Variants in RARB observed in about 807,000 individuals in gnomAD.
RARB encodes the protein HBV-activated protein.
In RARB, 17 loss-of-function variants were observed where a neutral mutation model predicts 51.9. That is an observed-to-expected ratio of 0.33 (90% confidence interval 0.22 to 0.49). The LOEUF is 0.49. Among genes scored for constraint, RARB ranks in the 20% least tolerant of loss-of-function variants. RARB has a pLI of 0.99. For synonymous variants in RARB, 215 were observed against 195.4 expected (o/e 1.10, Z -0.84); for missense variants, 369 against 550.8 (o/e 0.67, Z 3.30).
intron 5 of RARB, among the ~76,000 whole-genome samples, chr3:25,269,566 C>T (rs1703204795): frequency 6.6e-6 from 1 of 152,056 alleles, no homozygotes; most frequent in Non-Finnish European, 1.5e-5. Flanking sequence ...TGTGAAGATC[C>T]AGTAAGTTAA....
intron 5 of RARB, among the ~76,000 whole-genome samples, chr3:25,212,654 C>T (rs145584129): frequency 1.5e-4 from 23 of 152,292 alleles, no homozygotes; most frequent in African/African-American, 5.5e-4. Context: ...AATTCTGAGA[C>T]AATGTGCTAT....
intron 2 of RARB, among the ~76,000 whole-genome samples, chr3:25,468,721 A>G (rs563059797): frequency 6.6e-6 from 1 of 152,340 alleles, no homozygotes; most frequent in Non-Finnish European, 1.5e-5. Context: ...AAGAAATGAC[A>G]TCTCTGCGAC....
chr3:25,187,363 G>A (rs1316908554), intron 5 of RARB, among the ~76,000 whole-genome samples: 1 of 151,738 alleles, frequency 6.6e-6, no homozygotes, highest in Non-Finnish European at 1.5e-5. Context: ...GTGGTGCAGT[G>A]GGACAGGCAA....
chr3:25,238,848 G>A (rs322717), intron 5 of RARB, among the ~76,000 whole-genome samples: 65,520 of 151,834 alleles, frequency 0.43, 16,368 homozygotes, highest in East Asian at 0.69. Context: ...GCATGATGGC[G>A]CGTGCCTGTA....
intron 3 of RARB, among the ~76,000 whole-genome samples, chr3:25,524,779 G>A (rs1189865966): frequency 1.3e-5 from 2 of 151,642 alleles, no homozygotes; most frequent in Non-Finnish European, 2.9e-5. Context: ...ACCCAGGCTG[G>A]AGTGCAGAGG....
At chr3:25,483,316 T>G (rs976939776) in intron 2 of RARB, among the ~76,000 whole-genome samples, 12 of 152,216 alleles carry the variant, frequency 7.9e-5, no homozygotes, top group Admixed American at 7.9e-4. Flanking sequence ...ACATATATAG[T>G]CTTCACTAGT....
chr3:25,476,574 C>T (rs1320120995), intron 2 of RARB, among the ~76,000 whole-genome samples: 1 of 152,118 alleles, frequency 6.6e-6, no homozygotes, highest in African/African-American at 2.4e-5. Flanking sequence ...TGAATATGAT[C>T]ATAACGTATC....
rs373138161 is a variant in RARB, at chr3:25,174,453, A to G, written c.56A>G (p.His19Arg). 42 of 1,351,956 alleles carry G rather than the reference A, an allele frequency of 3.1e-5. No homozygotes were observed. In the African/African-American group the frequency reaches 5.9e-4, roughly 19 times the overall value. 83.7% of individuals were successfully genotyped at this position (1,351,956 alleles called of 1,614,324 possible). The change falls in exon 5 of 12, where the codon CAC becomes CGC. Residue 19 changes from histidine (H) to arginine (R), a missense_variant. His to Arg is a conservative substitution (Grantham distance 29). Transcript: ENST00000383772. The stretch of plus-strand genomic sequence containing the variant: ...CCAGCAGTGAACGGACACATGACTC[A>G]CTATCCAGCCACACCCTACCCGTTA...
At chr3:25,015,095 T>C (rs1436208633) in intron 2 of RARB, among the ~76,000 whole-genome samples, 2 of 152,302 alleles carry the variant, frequency 1.3e-5, no homozygotes, top group Middle Eastern at 3.4e-3. Flanking sequence ...AATCTGGCTT[T>C]GAGTGTCTGT....
chr3:24,949,837 C>G (rs1236510829), intron 2 of RARB, among the ~76,000 whole-genome samples: 1 of 152,042 alleles, frequency 6.6e-6, no homozygotes, highest in African/African-American at 2.4e-5. Context: ...TGATTTGTTC[C>G]TTTACTTTTT....
chr3:25,125,378 T>A (rs562639818), intron 3 of RARB, among the ~76,000 whole-genome samples: 1 of 152,320 alleles, frequency 6.6e-6, no homozygotes, highest in African/African-American at 2.4e-5. Context: ...CAGAGCAGCC[T>A]CTGTTCTCAT....
chr3:24,912,996 T>TTTTTTTTTTTTA (rs1491080482), intron 2 of RARB, among the ~76,000 whole-genome samples: 32 of 132,996 alleles, frequency 2.4e-4, no homozygotes, highest in African/African-American at 8.9e-4. Flanking sequence ...TTTTTTTTTT[T>TTTTTTTTTTTTA]TGGAGACAGA....
At position 24,863,623 on chromosome 3, in the gene RARB, TTCATAA is replaced by T. The variant is rs546340096; in HGVS notation, c.-380+4872_-380+4877del. Among the ~76,000 whole-genome samples, 931 of 152,100 alleles carry T rather than the reference TTCATAA, an allele frequency of 6.1e-3. 6 individuals carry two copies. Among genetic ancestry groups the T allele is most frequent in the Non-Finnish European group, 9.7e-3 (661 of 67,994 alleles). On this transcript the variant is annotated intron_variant, in intron 2 of 11. Coordinates refer to the RARB transcript ENST00000383772. Reference sequence around the variant, plus strand: ...TAAGATTTCTTGTACGCCTGGCCTGTTCATAAATCCAATTTAATTAGAGAACACCAC... The same window carrying T: ...TAAGATTTCTTGTACGCCTGGCCTGTATCCAATTTAATTAGAGAACACCAC...
chr3:24,845,052 C>T (rs1052469543), intron 1 of RARB, among the ~76,000 whole-genome samples: 8 of 152,196 alleles, frequency 5.3e-5, no homozygotes, highest in African/African-American at 1.7e-4. Flanking sequence ...GCCAATCCCA[C>T]ACAGGAGTTA....
chr3:25,576,501 A>C (rs2125298517), intron 4 of RARB, among the ~76,000 whole-genome samples: 1 of 152,204 alleles, frequency 6.6e-6, no homozygotes, highest in East Asian at 1.9e-4. Context: ...AGATCTCTGA[A>C]CCCCAGGAGT....
chr3:25,224,449 G>A (rs1000523724), intron 5 of RARB, among the ~76,000 whole-genome samples: 1 of 152,124 alleles, frequency 6.6e-6, no homozygotes, highest in Admixed American at 6.5e-5. Flanking sequence ...AGCAGACCAA[G>A]CCTCAAGTCT....
intron 2 of RARB, among the ~76,000 whole-genome samples, chr3:25,046,612 C>T (rs571149327): frequency 1.1e-4 from 16 of 152,122 alleles, no homozygotes; most frequent in South Asian, 4.2e-4. Flanking sequence ...CACCACCATG[C>T]TCAGCTAATT....
intron 5 of RARB, among the ~76,000 whole-genome samples, chr3:25,400,511 A>G (rs974024582): frequency 6.6e-6 from 1 of 152,178 alleles, no homozygotes; most frequent in Non-Finnish European, 1.5e-5. Context: ...AATATTCTCA[A>G]TATTTACCTA....
chr3:25,557,339 C>T (rs1464096177), intron 3 of RARB, among the ~76,000 whole-genome samples: 4 of 152,218 alleles, frequency 2.6e-5, no homozygotes, highest in Non-Finnish European at 5.9e-5. Context: ...AAACAAAACC[C>T]GGAGGGACTA....
Sources: gnomAD v4.1 joint callset for allele counts (sites outside exome capture counted in the v4.1 genomes callset) on GRCh38, gnomAD v4.1.1 for gene constraint, MANE v1.5 for transcripts, NCBI Gene and HGNC (gene_info 2026-07-23, HGNC 2026-07-21) for gene names.